Variants in HLX observed in about 807,000 individuals in gnomAD.
HLX encodes the protein H2.0 like homeobox.
HLX carries 6 observed loss-of-function variants against 27.7 expected under a neutral mutation model. That is an observed-to-expected ratio of 0.22 (90% CI 0.12 to 0.43). The LOEUF (loss-of-function observed/expected upper bound fraction) is 0.43, where lower values mean the gene tolerates loss of function less well. Among genes scored for constraint, HLX ranks in the 20% least tolerant of loss-of-function variants. HLX has a pLI of 1.00. For missense variants in HLX, 666 were observed against 655.2 expected (o/e 1.02, Z -0.18); for synonymous variants, 328 against 293.8 (o/e 1.12, Z -1.19).
chr1:220,884,623 G>A lies in HLX; in HGVS notation c.1386G>A (p.Glu462=), dbSNP rs775606120. Residue 462 remains glutamate, a synonymous_variant, in exon 4 of 4, where the codon GAG becomes GAA. Coordinates refer to ENST00000366903, the MANE Select transcript of HLX (RefSeq NM_021958.4). This position sits in a 1 kb window ranked among gnomAD's most constrained non-coding sequence, Gnocchi z 4.9. ...ASSLGGGGAS[E]LLPATQPTAS... ...GCCTTGGCGGCGGCGGCGCCTCGGA[G>A]CTTCTCCCTGCAACACAGCCCACAG... The A allele has an allele frequency of 5.0e-6, 8 of 1,609,680 alleles. No individual in the cohort carries two copies. Among genetic ancestry groups the A allele is most frequent in the African/African-American group, 2.7e-5 (2 of 74,880 alleles).
chr1:220,884,409 C>A lies in HLX; in HGVS notation c.1172C>A (p.Thr391Lys), dbSNP rs199521070. ...SESLDMAPSD[T>K]ERTEGSERSL... ...TCCCTGGACATGGCCCCCAGCGACA[C>A]GGAGCGGACTGAGGGGAGTGAGCGT... Residue 391 changes from threonine to lysine, a missense_variant, in exon 4 of 4, where the codon ACG becomes AAG. Physicochemically the swap from Thr to Lys is moderately conservative, Grantham distance 78. Coordinates refer to ENST00000366903, the MANE Select transcript of HLX (RefSeq NM_021958.4). The surrounding 1 kb of genome is among the most constrained non-coding windows in gnomAD (Gnocchi z 4.9). The A allele has an allele frequency of 3.2e-5, 52 of 1,614,152 alleles. No homozygotes were observed. The Admixed American group carries it at 6.8e-4, about 21-fold the overall frequency.
chr1:220,884,309 G>A lies in HLX; in HGVS notation c.1072G>A (p.Ala358Thr). Reference sequence around the variant, plus strand: ...GAAGCCATCAGGTGGAGCCCCGGCTGCGGATGGCGAGCAGGACGAGAGGAG... The same window carrying A: ...GAAGCCATCAGGTGGAGCCCCGGCTACGGATGGCGAGCAGGACGAGAGGAG... ...GEKPSGGAPA[A>T]DGEQDERSPS... is the part of the protein sequence containing the mutation. The change falls in exon 4 of 4, where the codon GCG becomes ACG. Residue 358 changes from alanine to threonine, a missense_variant. Coordinates refer to ENST00000366903, the MANE Select transcript of HLX (RefSeq NM_021958.4). This position sits in a 1 kb window ranked among gnomAD's most constrained non-coding sequence, Gnocchi z 4.9. 6.2e-7 allele frequency: 1 copy of A among 1,613,770 alleles called. No individual in the cohort carries two copies.
intron 2 of HLX, chr1:220,881,785 C>T: frequency 2.6e-6 from 1 of 389,890 alleles, no homozygotes; most frequent in Non-Finnish European, 4.8e-6. Flanking sequence ...CACACACACA[C>T]ACACACACAC....
intron 2 of HLX, 155 bp from the exon 3 acceptor site, chr1:220,882,009 G>T (rs1456590854): frequency 1.4e-6 from 1 of 736,932 alleles, no homozygotes; most frequent in East Asian, 2.7e-5. Context: ...GGGGCCATTC[G>T]GTGTATGTGC....
In HLX at chr1:220,879,615, G is replaced by C. The variant is rs1558114805; in HGVS notation, c.-243G>C. On this transcript the variant is annotated 5_prime_UTR_variant, in exon 1 of 4. Transcript: ENST00000366903. ...CTCTCATCCAGCCCGCGAGGAGTGC[G>C]GGCGCCGCGCCGCCTTTAAAGCGAG... 8 of 573,834 alleles carry C rather than the reference G, an allele frequency of 1.4e-5. No homozygotes were observed. The highest frequency in any genetic ancestry group is 2.3e-5 in the Non-Finnish European group (8 of 350,350). The allele number at this position is 573,834 out of a possible 1,614,324, so 35.5% of individuals were successfully genotyped here. A position where few individuals can be genotyped will look rare whatever the true frequency, so the allele number is the denominator to read the frequency against.
rs763040870 is a variant in HLX at position 220,884,383 on chromosome 1, G to A, written c.1146G>A (p.Glu382=). 8 of 1,614,056 alleles carry A rather than the reference G, an allele frequency of 5.0e-6. No individual in the cohort carries two copies. The highest frequency in any genetic ancestry group is 6.8e-6 in the Non-Finnish European group (8 of 1,180,036). ...CTGAGAGCGAGAGCAGCGACTCCGAGTCCCTGGACATGGCCCCCAGCGACA... is the reference window on the plus strand; with the variant it reads ...CTGAGAGCGAGAGCAGCGACTCCGAATCCCTGGACATGGCCCCCAGCGACA... ...GEAESESSDS[E]SLDMAPSDTE... Residue 382 remains glutamate (E), a synonymous_variant, in exon 4 of 4, where the codon GAG becomes GAA. Coordinates refer to ENST00000366903, the MANE Select transcript of HLX (RefSeq NM_021958.4). This position sits in a 1 kb window ranked among gnomAD's most constrained non-coding sequence, Gnocchi z 4.9.
At chr1:220,883,351 C>G (rs538723236) in intron 3 of HLX, 1 of 152,670 alleles carries the variant, frequency 6.6e-6, no homozygotes, top group South Asian at 2.1e-4. Context: ...CAGCCGTTTT[C>G]CACCAGCTGT....
chr1:220,884,704 G>T lies in HLX; in HGVS notation c.1467G>T (p.Ter489TyrextTer69). The part of the protein sequence containing the change: ...EPAQGALGCL[*>Y] Reference sequence around the variant, plus strand: ...CCCAAGGCGCGCTTGGCTGCTTATAGACTGTACTAGGGCGGAGGGGATCCG... The same window carrying T: ...CCCAAGGCGCGCTTGGCTGCTTATATACTGTACTAGGGCGGAGGGGATCCG... The change falls in exon 4 of 4, where the codon TAG becomes TAT. Residue 489 changes from the stop codon to tyrosine (Y), a stop_lost. Transcript: ENST00000366903. The surrounding 1 kb of genome is among the most constrained non-coding windows in gnomAD (Gnocchi z 4.9). 1 of 1,608,758 alleles carries T rather than the reference G, an allele frequency of 6.2e-7. No homozygotes were observed. Among genetic ancestry groups the T allele is most frequent in the South Asian group, 1.1e-5 (1 of 90,826 alleles).
intron 2 of HLX, chr1:220,881,821 T>C (rs1674452486): frequency 2.6e-6 from 1 of 379,900 alleles, no homozygotes; most frequent in African/African-American, 2.4e-5. Context: ...CACGAGATAA[T>C]TCAATTCAGG....
At chr1:220,883,984 T>C in intron 3 of HLX, 1 of 604,242 alleles carries the variant, frequency 1.7e-6, no homozygotes, top group South Asian at 2.0e-5. Flanking sequence ...CTTAGTGGGT[T>C]CCCTAGGCCA....
Position 220,881,348 on chromosome 1 carries a change from G to A in HLX, c.747G>A (p.Gln249=). 1 of 1,614,120 alleles carries A rather than the reference G, an allele frequency of 6.2e-7. No individual in the cohort carries two copies. The change falls in exon 2 of 4, where the codon CAG becomes CAA. Residue 249 remains glutamine, a synonymous_variant. Transcript: ENST00000366903. The stretch of plus-strand genomic sequence containing the variant: ...ACTCGAACCCAAGAAATTCAGTTCA[G>A]CATCAGTTCCAAGACACGTTTCCAG... ...PLNSNPRNSV[Q]HQFQDTFPGP...
rs751041622 is a variant in HLX, at chr1:220,882,356, A to G, written c.957+8A>G. ...GGCCTCACGGACGCACAGGTAAGGC[A>G]GTTCTGGCTCCAGCGCACAGCGCCC... On this transcript the variant is annotated splice_region_variant and intron_variant, in intron 3 of 3. Coordinates refer to ENST00000366903, the MANE Select transcript of HLX (RefSeq NM_021958.4). The G allele has an allele frequency of 4.3e-6, 7 of 1,613,816 alleles. No individual in the cohort carries two copies. The highest frequency in any genetic ancestry group is 5.9e-6 in the Non-Finnish European group (7 of 1,179,890).
rs776514032 is a variant in HLX, at chr1:220,879,972, G to T, written c.115G>T (p.Val39Phe). The T allele has an allele frequency of 6.9e-6, 11 of 1,598,480 alleles. No homozygotes were observed. The highest frequency in any genetic ancestry group is 1.7e-4 in the Middle Eastern group (1 of 5,924). ...CTCCTTCCCCTTGGACCCCGCCGCC[G>T]TCAAAAAGCCCTCCTTCTGCATCGC... ...GCSFPLDPAA[V>F]KKPSFCIADI... is the part of the protein sequence containing the mutation. Residue 39 changes from valine to phenylalanine, a missense_variant, in exon 1 of 4, where the codon GTC becomes TTC. Coordinates refer to ENST00000366903, the MANE Select transcript of HLX (RefSeq NM_021958.4).
At position 220,884,085 on chromosome 1, in the gene HLX, G is replaced by A. The variant is rs114071549; in HGVS notation, c.958-110G>A. Reference sequence around the variant, plus strand: ...TCCTTGGTAGAGTCGCCAAGTAAGCGTTGCTTTTTCACTCAGGGAGGTGGC... The same window carrying A: ...TCCTTGGTAGAGTCGCCAAGTAAGCATTGCTTTTTCACTCAGGGAGGTGGC... On this transcript the variant is annotated intron_variant, in intron 3 of 3. Coordinates refer to ENST00000366903, the MANE Select transcript of HLX (RefSeq NM_021958.4). This position sits in a 1 kb window ranked among gnomAD's most constrained non-coding sequence, Gnocchi z 4.9. The A allele has an allele frequency of 5.5e-4, 624 of 1,139,716 alleles. 6 individuals are homozygous for A. The African/African-American group carries it at 8.7e-3, about 16-fold the overall frequency. 70.6% of individuals were successfully genotyped at this position (1,139,716 alleles called of 1,614,324 possible).
rs1481603752 is a variant in HLX, at chr1:220,879,660, ACCGGCCGAGAT to A, written c.-191_-181del. 1.2e-6 allele frequency: 1 copy of A among 828,568 alleles called. No individual in the cohort carries two copies. 51.3% of individuals were successfully genotyped at this position (828,568 alleles called of 1,614,324 possible). On this transcript the variant is annotated 5_prime_UTR_variant, in exon 1 of 4. Transcript: ENST00000366903. ...AGCGAGGCCAGGGAGCGAGGCGGTG[ACCGGCCGAGAT>A]CCGGCCCTCGCCTCCTCCCTCGGTG...
intron 3 of HLX, chr1:220,883,812 A>G (rs1674508187): frequency 3.9e-6 from 1 of 258,460 alleles, no homozygotes; most frequent in African/African-American, 2.2e-5. Context: ...CTAGGAGTCC[A>G]TAACTTTAAT....
At chr1:220,882,947 G>A (rs1255876131) in intron 3 of HLX, 1 of 152,612 alleles carries the variant, frequency 6.6e-6, no homozygotes, top group Non-Finnish European at 1.5e-5. Flanking sequence ...GTGAGGGAAA[G>A]AAAGAAAGAA....
At position 220,884,261 on chromosome 1, in the gene HLX, G is replaced by A. The variant is rs369388837; in HGVS notation, c.1024G>A (p.Asp342Asn). The A allele has an allele frequency of 2.5e-6, 4 of 1,613,928 alleles. No individual in the cohort carries two copies. The highest frequency in any genetic ancestry group is 2.2e-5 in the South Asian group (2 of 91,068). ...CTCCAAGGAGGCCCAGGCCCAAAAG[G>A]ACAAGGACAAGGAGGCTGGCGAGAA... ...RHSKEAQAQK[D>N]KDKEAGEKPS... is the part of the protein sequence containing the mutation. The change falls in exon 4 of 4, where the codon GAC (aspartate) becomes AAC (asparagine). Residue 342 changes from aspartate to asparagine, a missense_variant. By Grantham distance (23) the Asp-to-Asn change is conservative (BLOSUM62 1). Transcript: ENST00000366903. The surrounding 1 kb of genome is among the most constrained non-coding windows in gnomAD (Gnocchi z 4.9).
intron 3 of HLX, chr1:220,882,907 C>T (rs1256183962): frequency 6.5e-6 from 1 of 153,432 alleles, no homozygotes; most frequent in South Asian, 2.0e-4. Flanking sequence ...AAGGCTTAGG[C>T]TCTGAAGAAA....
Sources: allele counts gnomAD v4.1 joint callset, GRCh38; gene constraint gnomAD v4.1.1; non-coding constraint Gnocchi (gnomAD v3.1); transcripts MANE v1.5; gene names NCBI Gene and HGNC (gene_info 2026-07-23, HGNC 2026-07-21).